The following THADA variants were observed in gnomAD, a reference collection of about 807,000 sequenced individuals.
THADA encodes the protein tRNA (32-2'-O)-methyltransferase regulator THADA.
Under a neutral mutation model 219.8 loss-of-function variants are expected in THADA, and 213 were observed. The observed-to-expected ratio is 0.97, with a 90% CI of 0.87 to 1.09. THADA has a LOEUF of 1.09. Among genes scored for constraint, THADA ranks in the 50% least tolerant of loss-of-function variants. The pLI is 0.00. For missense variants in THADA, 2,956 were observed against 2,311.3 expected (o/e 1.28, Z -5.72); for synonymous variants, 1,018 against 828.9 (o/e 1.23, Z -3.92).
intron 19 of THADA, 46 bp downstream of exon 19, chr2:43,551,740 CATA>C: frequency 6.5e-7 from 1 of 1,543,794 alleles, no homozygotes; most frequent in Non-Finnish European, 8.7e-7. Flanking sequence ...GAGGTAAAGA[CATA>C]ATAATCAAAC....
chr2:43,545,837 T>G (rs1290146526), intron 20 of THADA, among the ~76,000 whole-genome samples: 1 of 152,192 alleles, frequency 6.6e-6, no homozygotes, highest in Non-Finnish European at 1.5e-5. Flanking sequence ...CCTGGATTCA[T>G]TAATTTTTTG....
At chr2:43,467,865 A>G (rs1271441138) in intron 26 of THADA, among the ~76,000 whole-genome samples, 1 of 152,232 alleles carries the variant, frequency 6.6e-6, no homozygotes, top group Non-Finnish European at 1.5e-5. Flanking sequence ...CAGTGCTCTC[A>G]GCCCTACAAA....
intron 36 of THADA, among the ~76,000 whole-genome samples, chr2:43,247,274 G>A (rs1313175819): frequency 6.6e-6 from 1 of 152,092 alleles, no homozygotes; most frequent in Non-Finnish European, 1.5e-5. Context: ...CAAAGTAACC[G>A]ACCCCAGAAG....
At chr2:43,552,389 G>A (rs756467975) in intron 17 of THADA, 50 bp from the exon 18 acceptor site, 47 of 1,546,030 alleles carry the variant, frequency 3.0e-5, no homozygotes, top group South Asian at 4.9e-5. Flanking sequence ...TAAAACATTT[G>A]TAAATGTACG....
chr2:43,532,653 T>TG (rs1172560911), intron 21 of THADA, among the ~76,000 whole-genome samples: 1 of 152,248 alleles, frequency 6.6e-6, no homozygotes, highest in East Asian at 1.9e-4. Context: ...TCACACTGAA[T>TG]GGGCAAAAGC....
chr2:43,299,776 C>A (rs1558543963), intron 31 of THADA, among the ~76,000 whole-genome samples: 1 of 151,950 alleles, frequency 6.6e-6, no homozygotes. Flanking sequence ...CCTGTAATCC[C>A]AGCACTTTGG....
At chr2:43,417,537 T>A (rs925444415) in intron 28 of THADA, among the ~76,000 whole-genome samples, 10 of 152,212 alleles carry the variant, frequency 6.6e-5, no homozygotes, top group Admixed American at 6.5e-5. Flanking sequence ...TTTCTCCTGA[T>A]TTCAGATTAG....
At chr2:43,457,461 AGTCAATC>A (rs1197448640) in intron 26 of THADA, among the ~76,000 whole-genome samples, 1 of 152,228 alleles carries the variant, frequency 6.6e-6, no homozygotes, top group African/African-American at 2.4e-5. Flanking sequence ...AATAATTTAA[AGTCAATC>A]TTAACAGTTT....
Position 43,230,903 on chromosome 2 carries a change from A to T in THADA, c.*45T>A, listed in dbSNP as rs1051471139. ...AACATGTTTCCTGCAGATTTAGTGGAGGAAAAATCCACACATACCCCCATC... is the reference window on the plus strand; with the variant it reads ...AACATGTTTCCTGCAGATTTAGTGGTGGAAAAATCCACACATACCCCCATC... On this transcript the variant is annotated 3_prime_UTR_variant, in exon 38 of 38. Coordinates refer to ENST00000405975, the MANE Select transcript of THADA (RefSeq NM_022065.5). 1.3e-5 allele frequency: 20 copies of T among 1,532,978 alleles called. No homozygotes were observed. The Admixed American group carries it at 4.2e-4, about 32-fold the overall frequency. 95.0% of individuals were successfully genotyped at this position (1,532,978 alleles called of 1,614,324 possible).
At chr2:43,244,938 TG>T (rs1668980091) in intron 36 of THADA, among the ~76,000 whole-genome samples, 1 of 152,194 alleles carries the variant, frequency 6.6e-6, no homozygotes, top group African/African-American at 2.4e-5. Context: ...TCCCTACCCC[TG>T]TGTCATGAGC....
intron 36 of THADA, among the ~76,000 whole-genome samples, chr2:43,248,154 TATATATATATAGAGAGAGAGAG>T (rs1416641546): frequency 0.01 from 859 of 84,980 alleles, 1 homozygote; most frequent in African/African-American, 0.029. Flanking sequence ...TATATATATA[TATATATATATAGAGAGAGAGAG>T]AGAGAGAGAG....
At chr2:43,442,306 C>A (rs919235394) in intron 26 of THADA, among the ~76,000 whole-genome samples, 49 of 152,088 alleles carry the variant, frequency 3.2e-4, no homozygotes, top group Non-Finnish European at 4.0e-4. Flanking sequence ...CGTGGTGGTG[C>A]GTGCCTGTAA....
intron 26 of THADA, among the ~76,000 whole-genome samples, chr2:43,441,856 C>A (rs1680880162): frequency 6.6e-6 from 1 of 152,114 alleles, no homozygotes; most frequent in Non-Finnish European, 1.5e-5. Flanking sequence ...TTAATCAAAA[C>A]TGTAATGTGA....
At chr2:43,571,249 ATTT>A (rs34717327) in intron 13 of THADA, among the ~76,000 whole-genome samples, 10 of 123,182 alleles carry the variant, frequency 8.1e-5, no homozygotes, top group African/African-American at 9.3e-5. Context: ...GAGCAAGACT[ATTT>A]TTTTTTTTTT....
intron 26 of THADA, among the ~76,000 whole-genome samples, chr2:43,471,359 C>G (rs1376644707): frequency 6.6e-6 from 1 of 152,028 alleles, no homozygotes; most frequent in Admixed American, 6.6e-5. Flanking sequence ...GACTCTCTCT[C>G]TACAAAAAAT....
intron 7 of THADA, among the ~76,000 whole-genome samples, chr2:43,582,217 C>T (rs150192440): frequency 0.01 from 1,554 of 152,298 alleles, 31 homozygotes; most frequent in African/African-American, 0.035. Flanking sequence ...AGAACTCAGT[C>T]TGGGCGAAGT....
chr2:43,520,494 C>T (rs1204866512), intron 22 of THADA, among the ~76,000 whole-genome samples: 1 of 152,010 alleles, frequency 6.6e-6, no homozygotes, highest in East Asian at 1.9e-4. Context: ...TGGAGACCAG[C>T]CTGGGCAACA....
intron 36 of THADA, among the ~76,000 whole-genome samples, chr2:43,274,230 C>G (rs1672456843): frequency 1.3e-5 from 2 of 152,192 alleles, no homozygotes; most frequent in Non-Finnish European, 2.9e-5. Context: ...GGACCCAACA[C>G]TACAGGCTGC....
intron 23 of THADA, among the ~76,000 whole-genome samples, chr2:43,507,903 T>C (rs1288760525): frequency 6.6e-6 from 1 of 152,222 alleles, no homozygotes; most frequent in East Asian, 1.9e-4. Context: ...TGAAGCAATC[T>C]TTAAGGTATA....
Sources: gnomAD v4.1 joint callset for allele counts (sites outside exome capture counted in the v4.1 genomes callset) on GRCh38, gnomAD v4.1.1 for gene constraint, MANE v1.5 for transcripts, NCBI Gene and HGNC (gene_info 2026-07-23, HGNC 2026-07-21) for gene names.